WSCD1: variants seen among roughly 807,000 people sequenced by gnomAD.
WSCD1 encodes sialate:O-sulfotransferase 1.
A neutral mutation model predicts 60.4 loss-of-function variants in WSCD1; 41 were observed. The ratio of observed to expected loss-of-function variants is 0.68; its 90% CI spans 0.53 to 0.88. The LOEUF is 0.88. Among genes scored for constraint, WSCD1 ranks in the 40% least tolerant of loss-of-function variants. The probability of loss-of-function intolerance (pLI) is 0.00; values close to 1 mark genes in which losing one functional copy is unlikely to be tolerated. For synonymous variants in WSCD1, 361 were observed against 332.5 expected (o/e 1.09, Z -0.93); for missense variants, 784 against 796.2 (o/e 0.98, Z 0.18).
intron 7 of WSCD1, among the ~76,000 whole-genome samples, chr17:6,115,083 C>A (rs1265490535): frequency 1.3e-5 from 2 of 152,184 alleles, no homozygotes; most frequent in Non-Finnish European, 2.9e-5. Context: ...CTGGCCCACA[C>A]CCCTGACAGT....
At chr17:6,107,747 G>T (rs886101407) in intron 5 of WSCD1, among the ~76,000 whole-genome samples, 15 of 152,114 alleles carry the variant, frequency 9.9e-5, no homozygotes, top group African/African-American at 3.4e-4. Context: ...TGTGATAGAG[G>T]GTGGATGAAG....
chr17:6,112,812 A>G (rs1197370264), intron 7 of WSCD1, among the ~76,000 whole-genome samples: 6 of 152,220 alleles, frequency 3.9e-5, no homozygotes, highest in African/African-American at 1.4e-4. Context: ...AAAAAAATGG[A>G]AAGACATCCC....
At chr17:6,091,394 G>T (rs1295724108) in intron 4 of WSCD1, among the ~76,000 whole-genome samples, 1 of 152,196 alleles carries the variant, frequency 6.6e-6, no homozygotes, top group African/African-American at 2.4e-5. Context: ...GAGATAGGCT[G>T]TGTGGCCGTG....
At chr17:6,112,298 C>T (rs189406074) in intron 7 of WSCD1, among the ~76,000 whole-genome samples, 2 of 152,218 alleles carry the variant, frequency 1.3e-5, no homozygotes, top group African/African-American at 4.8e-5. Flanking sequence ...ATAGAGGGAA[C>T]GTACCTCACC....
chr17:6,069,426 TGTGAGAGA>T (rs773806498), upstream of WSCD1: 2,536 of 260,672 alleles, frequency 9.7e-3, 38 homozygotes, highest in African/African-American at 0.065. Context: ...TGTGTGTGTG[TGTGAGAGA>T]GAGAGAGAGA....
chr17:6,117,959 C>T, intron 7 of WSCD1, 29 bp from the exon 8 acceptor site: 1 of 1,611,238 alleles, frequency 6.2e-7, no homozygotes, highest in Non-Finnish European at 8.5e-7. Flanking sequence ...CACCATCTTC[C>T]ACAGAGACCC....
chr17:6,102,284 TC>T (rs1910853752), intron 5 of WSCD1, among the ~76,000 whole-genome samples: 1 of 152,256 alleles, frequency 6.6e-6, no homozygotes, highest in Non-Finnish European at 1.5e-5. Context: ...CCACTTGGAT[TC>T]CAATAGATTC....
At chr17:6,108,433 T>C (rs1911226422) in intron 5 of WSCD1, among the ~76,000 whole-genome samples, 1 of 151,992 alleles carries the variant, frequency 6.6e-6, no homozygotes, top group African/African-American at 2.4e-5. Context: ...CTCCCGACTG[T>C]AGGATGCAGA....
intron 5 of WSCD1, among the ~76,000 whole-genome samples, chr17:6,104,455 G>A (rs1373929898): frequency 6.6e-6 from 1 of 152,172 alleles, no homozygotes; most frequent in Non-Finnish European, 1.5e-5. Flanking sequence ...GGGATTCAAA[G>A]CCCACAGTTC....
chr17:6,117,016 C>T (rs955993057), intron 7 of WSCD1, among the ~76,000 whole-genome samples: 5 of 152,216 alleles, frequency 3.3e-5, no homozygotes, highest in African/African-American at 1.2e-4. Flanking sequence ...CCCCTATAGC[C>T]TGCACTTAGG....
At chr17:6,093,178 G>C (rs970809863) in intron 4 of WSCD1, among the ~76,000 whole-genome samples, 1 of 152,230 alleles carries the variant, frequency 6.6e-6, no homozygotes, top group Admixed American at 6.5e-5. Context: ...GACTGTACCA[G>C]GTGACAACCT....
Position 6,075,751 on chromosome 17 carries a change from A to G in WSCD1, c.-288-4620A>G, listed in dbSNP as rs761829421. On this transcript the variant is annotated intron_variant, in intron 1 of 8. Transcript: ENST00000317744. This position sits in a 1 kb window ranked among gnomAD's most constrained non-coding sequence, Gnocchi z 4.1. ...CCCTGGCGTGCCCCCTCTACCCCCA[A>G]TAAGGCCAAGCCCCAGGCAGGGATA... Among the ~76,000 whole-genome samples, 16 of 152,050 alleles carry G rather than the reference A, an allele frequency of 1.1e-4. No homozygotes were observed. The highest frequency in any genetic ancestry group is 2.1e-4 in the Non-Finnish European group (14 of 67,992).
intron 5 of WSCD1, among the ~76,000 whole-genome samples, chr17:6,096,338 G>A (rs967689354): frequency 3.3e-5 from 5 of 152,112 alleles, no homozygotes; most frequent in Admixed American, 6.5e-5. Context: ...AGATGTGATC[G>A]GATCTGCAGG....
intron 5 of WSCD1, among the ~76,000 whole-genome samples, chr17:6,100,268 A>G (rs1220765182): frequency 6.6e-6 from 1 of 152,122 alleles, no homozygotes; most frequent in African/African-American, 2.4e-5. Flanking sequence ...GTGGGAGGGA[A>G]GTTCTCCTTG....
intron 2 of WSCD1, chr17:6,084,898 A>G (rs1291425716): frequency 2.0e-5 from 3 of 152,168 alleles, no homozygotes; most frequent in South Asian, 2.1e-4. Flanking sequence ...TTCTGCGTCC[A>G]GATAAAAGAG....
rs544463576 is a variant in WSCD1 at position 6,087,972 on chromosome 17, A to G, written c.428-18A>G. 1.9e-6 allele frequency: 3 copies of G among 1,596,336 alleles called. No homozygotes were observed. Among genetic ancestry groups the G allele is most frequent in the African/African-American group, 1.3e-5 (1 of 74,658 alleles). On this transcript the variant is annotated intron_variant, in intron 2 of 8. Coordinates refer to ENST00000317744, the MANE Select transcript of WSCD1 (RefSeq NM_015253.2). ...GATTCCTGGGCCTCTGGTATTAGCCATGCTTCCCTTTCTGCAGGCACCTAC... is the reference window on the plus strand; with the variant it reads ...GATTCCTGGGCCTCTGGTATTAGCCGTGCTTCCCTTTCTGCAGGCACCTAC...
At position 6,118,730 on chromosome 17, in the gene WSCD1, G is replaced by A. The variant is rs573025378; in HGVS notation, c.1375+542G>A. On this transcript the variant is annotated intron_variant, in intron 8 of 8. Transcript: ENST00000317744. The surrounding 1 kb of genome is among the most constrained non-coding windows in gnomAD (Gnocchi z 5.8). ...CTGCCTCTTGCTGACTCTTCACAGT[G>A]TCTGGTGGGGAAATCACATCAGCCC... 6.6e-6 allele frequency among the ~76,000 whole-genome samples: 1 copy of A among 152,326 alleles called. No individual in the cohort carries two copies. Among genetic ancestry groups the A allele is most frequent in the East Asian group, 1.9e-4 (1 of 5,176 alleles).
chr17:6,090,075 C>A (rs1909920183), intron 3 of WSCD1, among the ~76,000 whole-genome samples: 1 of 152,274 alleles, frequency 6.6e-6, no homozygotes, highest in South Asian at 2.1e-4. Context: ...AAGGAGTTAT[C>A]CCTCTTATAC....
chr17:6,102,020 T>C (rs751697465), intron 5 of WSCD1, among the ~76,000 whole-genome samples: 2 of 152,364 alleles, frequency 1.3e-5, no homozygotes, highest in East Asian at 3.9e-4. Context: ...TTAGTGATTC[T>C]ACTGATAAAG....
Sources: gnomAD v4.1 joint callset for allele counts (sites outside exome capture counted in the v4.1 genomes callset) on GRCh38, gnomAD v4.1.1 for gene constraint, Gnocchi (gnomAD v3.1) non-coding constraint, MANE v1.5 for transcripts, NCBI Gene and HGNC (gene_info 2026-07-23, HGNC 2026-07-21) for gene names.